The following KCNH5 variants were observed in gnomAD, a reference collection of about 807,000 sequenced individuals.
KCNH5 encodes voltage-gated delayed rectifier potassium channel KCNH5.
KCNH5 carries 46 observed loss-of-function variants against 96.1 expected under a neutral mutation model. The observed-to-expected ratio is 0.48, with a 90% CI of 0.38 to 0.61. The LOEUF is 0.61. KCNH5 is among the 20% of genes least tolerant of loss of function. The probability of loss-of-function intolerance (pLI) is 0.00; values close to 1 mark genes in which losing one functional copy is unlikely to be tolerated. For synonymous variants in KCNH5, 439 were observed against 449.8 expected (o/e 0.98, Z 0.30); for missense variants, 907 against 1,225.8 (o/e 0.74, Z 3.88).
At chr14:62,922,538 A>G (rs1017287179) in intron 7 of KCNH5, among the ~76,000 whole-genome samples, 4 of 152,010 alleles carry the variant, frequency 2.6e-5, no homozygotes, top group African/African-American at 9.7e-5. Context: ...ACATAGATGC[A>G]AAAACCATCA....
chr14:62,919,388 T>C (rs915915644), intron 7 of KCNH5, among the ~76,000 whole-genome samples: 1 of 152,212 alleles, frequency 6.6e-6, no homozygotes, highest in Admixed American at 6.5e-5. Flanking sequence ...TCTTTTTCTA[T>C]ATGTTTTATA....
At chr14:62,862,255 T>G (rs1160756216) in intron 7 of KCNH5, among the ~76,000 whole-genome samples, 1 of 152,186 alleles carries the variant, frequency 6.6e-6, no homozygotes, top group East Asian at 1.9e-4. Flanking sequence ...GTAAGATTGA[T>G]CCGAGATACA....
chr14:62,737,957 C>T (rs1885193594), intron 10 of KCNH5, among the ~76,000 whole-genome samples: 2 of 152,084 alleles, frequency 1.3e-5, no homozygotes, highest in African/African-American at 2.4e-5. Context: ...TTTTCCTATA[C>T]CCGCCTACCT....
At chr14:62,965,812 ACTTT>A (rs1890294490) in intron 6 of KCNH5, among the ~76,000 whole-genome samples, 1 of 152,094 alleles carries the variant, frequency 6.6e-6, no homozygotes, top group Admixed American at 6.6e-5. Context: ...AAAAATAATT[ACTTT>A]CTTTGCCATC....
chr14:63,007,261 G>A (rs1891144404), intron 2 of KCNH5, among the ~76,000 whole-genome samples: 1 of 152,038 alleles, frequency 6.6e-6, no homozygotes, highest in African/African-American at 2.4e-5. Context: ...CTTATTAAAG[G>A]AGCTCTAGTA....
At chr14:62,934,066 G>A (rs541255719) in intron 7 of KCNH5, among the ~76,000 whole-genome samples, 4 of 152,048 alleles carry the variant, frequency 2.6e-5, no homozygotes, top group African/African-American at 9.6e-5. Flanking sequence ...AACATCAGAA[G>A]CTACTGAAAT....
chr14:62,803,145 T>TC (rs1886699477), intron 8 of KCNH5, among the ~76,000 whole-genome samples: 3 of 152,134 alleles, frequency 2.0e-5, no homozygotes, highest in Admixed American at 2.0e-4. Context: ...AGCAAGACCT[T>TC]ATCTCAAAAC....
chr14:63,026,310 A>AT, intron 1 of KCNH5, among the ~76,000 whole-genome samples: 1 of 152,232 alleles, frequency 6.6e-6, no homozygotes, highest in South Asian at 2.1e-4. Context: ...CTGAGCAAAG[A>AT]TTTTTTGGGT....
At chr14:62,976,139 G>A (rs367960607) in intron 6 of KCNH5, among the ~76,000 whole-genome samples, 4 of 151,142 alleles carry the variant, frequency 2.6e-5, no homozygotes, top group South Asian at 2.1e-4. Context: ...AGTGGCTCAC[G>A]CCTGTAATCC....
chr14:62,779,721 A>T lies in KCNH5; in HGVS notation c.2019+7T>A. ...CTAATAAGAAAAAGCAGACCCAGAG[A>T]ACATACCCGTTTCCTCAGATTGCAA... On this transcript the variant is annotated splice_region_variant and intron_variant, in intron 10 of 10. Transcript: ENST00000322893. 6.2e-7 allele frequency: 1 copy of T among 1,610,296 alleles called. No homozygotes were observed. Among genetic ancestry groups the T allele is most frequent in the Non-Finnish European group, 8.5e-7 (1 of 1,177,672 alleles).
intron 4 of KCNH5, among the ~76,000 whole-genome samples, chr14:62,994,368 T>A (rs1174387084): frequency 6.6e-6 from 1 of 152,076 alleles, no homozygotes; most frequent in Non-Finnish European, 1.5e-5. Flanking sequence ...TTGGAGTCTG[T>A]TTGAAAATAC....
At chr14:62,867,784 C>A (rs1595662437) in intron 7 of KCNH5, among the ~76,000 whole-genome samples, 1 of 152,166 alleles carries the variant, frequency 6.6e-6, no homozygotes, top group Non-Finnish European at 1.5e-5. Context: ...CCTGTGCCCA[C>A]TTGGCACCCT....
At chr14:62,771,580 G>A (rs150516616) in intron 10 of KCNH5, among the ~76,000 whole-genome samples, 1,927 of 152,250 alleles carry the variant, frequency 0.013, 24 homozygotes, top group Non-Finnish European at 0.018. Flanking sequence ...AGCCGAGATC[G>A]TGCCACTGCA....
At chr14:62,885,548 C>T (rs1044303092) in intron 7 of KCNH5, among the ~76,000 whole-genome samples, 1 of 152,202 alleles carries the variant, frequency 6.6e-6, no homozygotes, top group African/African-American at 2.4e-5. Context: ...AGGACAAACA[C>T]ATATTGAACA....
In KCNH5 at chr14:62,819,817, G is replaced by A. The variant is rs534090007; in HGVS notation, c.1570-17236C>T. ...ACTTGAACACTTTACATGTGTGCAC[G>A]TGTATATACCTTTCTATGATAAAAT... On this transcript the variant is annotated intron_variant, in intron 8 of 10. Transcript: ENST00000322893. Among the ~76,000 whole-genome samples, 475 of 152,224 alleles carry A rather than the reference G, an allele frequency of 3.1e-3. 3 individuals carry two copies. Among genetic ancestry groups the A allele is most frequent in the Admixed American group, 8.9e-3 (136 of 15,282 alleles).
In KCNH5 at chr14:62,930,840, T is replaced by C. The variant is rs1595689189; in HGVS notation, c.1369+19293A>G. Among the ~76,000 whole-genome samples the C allele has an allele frequency of 2.6e-5, 4 of 152,260 alleles. No individual in the cohort carries two copies. In the South Asian group the frequency reaches 8.3e-4, roughly 32 times the overall value. On this transcript the variant is annotated intron_variant, in intron 7 of 10. Coordinates refer to ENST00000322893, the MANE Select transcript of KCNH5 (RefSeq NM_139318.5). Reference sequence around the variant, plus strand: ...AATGAGTATAATAGAAACCTGACTTTAAGAAATGCAAGATATTTAGGTCCA... The same window carrying C: ...AATGAGTATAATAGAAACCTGACTTCAAGAAATGCAAGATATTTAGGTCCA...
intron 7 of KCNH5, among the ~76,000 whole-genome samples, chr14:62,891,630 T>C (rs537000717): frequency 1.3e-5 from 2 of 152,302 alleles, no homozygotes; most frequent in East Asian, 1.9e-4. Context: ...CCTCATTTTA[T>C]TGTGCTTCAC....
Position 62,987,180 on chromosome 14 carries a change from C to T in KCNH5, c.441G>A (p.Thr147=), listed in dbSNP as rs753750382. 24 of 1,612,288 alleles carry T rather than the reference C, an allele frequency of 1.5e-5. No homozygotes were observed. In the East Asian group the frequency reaches 2.5e-4, roughly 16 times the overall value. ...PIEDDSTKGW[T]KFARLTRALT... is the part of the protein sequence containing the mutation. Reference sequence around the variant, plus strand: ...AAGCCCGTGTCAATCGGGCAAATTTCGTCCAACCTTAAAAATAAGGAAAGA... The same window carrying T: ...AAGCCCGTGTCAATCGGGCAAATTTTGTCCAACCTTAAAAATAAGGAAAGA... Residue 147 remains threonine (T), a synonymous_variant, in exon 5 of 11, where the codon ACG becomes ACA. Transcript: ENST00000322893.
At chr14:62,817,317 A>G (rs1244374912) in intron 8 of KCNH5, among the ~76,000 whole-genome samples, 4 of 142,064 alleles carry the variant, frequency 2.8e-5, no homozygotes. Context: ...TAATACGTGA[A>G]CAAAATAAGA....
Sources: allele counts gnomAD v4.1 joint callset (sites outside exome capture counted in the v4.1 genomes callset), GRCh38; gene constraint gnomAD v4.1.1; transcripts MANE v1.5; gene names NCBI Gene and HGNC (gene_info 2026-07-23, HGNC 2026-07-21).